Variants in PRUNE2 observed in about 807,000 individuals in gnomAD.
PRUNE2 encodes protein prune homolog 2.
PRUNE2 carries 164 observed loss-of-function variants against 252.0 expected under a neutral mutation model. The observed-to-expected ratio is 0.65, with a 90% confidence interval of 0.57 to 0.74. PRUNE2 has a LOEUF of 0.74. Ranked by LOEUF, PRUNE2 falls within the 30% of genes least tolerant of loss-of-function variation. PRUNE2 has a pLI of 0.00. For missense variants in PRUNE2, 3,495 were observed against 3,711.0 expected, an observed-to-expected ratio of 0.94 and a Z score of 1.51; for synonymous variants, 1,292 against 1,350.2, an observed-to-expected ratio of 0.96 and a Z score of 0.94.
intron 1 of PRUNE2, among the ~76,000 whole-genome samples, chr9:76,878,216 T>C (rs1426551218): frequency 6.6e-6 from 1 of 152,134 alleles, no homozygotes; most frequent in Admixed American, 6.5e-5. Flanking sequence ...GAACCAAGCA[T>C]TCTCTTTGAA....
In PRUNE2 at chr9:76,703,405, G is replaced by T. The variant is rs894441645; in HGVS notation, c.8208C>A (p.Ile2736=). 3 of 1,613,302 alleles carry T rather than the reference G, an allele frequency of 1.9e-6. No individual in the cohort carries two copies. Among genetic ancestry groups the T allele is most frequent in the Non-Finnish European group, 2.5e-6 (3 of 1,179,640 alleles). Residue 2736 remains isoleucine, a synonymous_variant, in exon 9 of 19, where the codon ATC becomes ATA. Coordinates refer to ENST00000376718, the MANE Select transcript of PRUNE2 (RefSeq NM_015225.3). ...LSPQPVQKNM[I]PDTEMEEETE... is the part of the protein sequence containing the mutation. ...TCTCCTCCTCCATTTCCGTGTCAGG[G>T]ATCATGTTTTTCTGAACAGGCTGTG...
At chr9:76,733,925 G>GC (rs1554731485) in intron 6 of PRUNE2, among the ~76,000 whole-genome samples, 1 of 106,828 alleles carries the variant, frequency 9.4e-6, no homozygotes, top group Non-Finnish European at 2.0e-5. Context: ...AGTTTTAGTT[G>GC]TTTTTTTTTT....
chr9:76,639,456 C>T (rs1841628203), intron 12 of PRUNE2, among the ~76,000 whole-genome samples: 1 of 152,082 alleles, frequency 6.6e-6, no homozygotes, highest in African/African-American at 2.4e-5. Flanking sequence ...GTGCCACTGC[C>T]CTCCAGCCTG....
At chr9:76,731,288 A>ATCTG (rs1348797450) in intron 6 of PRUNE2, among the ~76,000 whole-genome samples, 1 of 71,634 alleles carries the variant, frequency 1.4e-5, no homozygotes. Context: ...CTCTCTATCT[A>ATCTG]TCTATCTATC....
In PRUNE2 at chr9:76,670,390, C is replaced by T. The variant is rs532605990; in HGVS notation, c.8277-14888G>A. On this transcript the variant is annotated intron_variant, in intron 9 of 18. Coordinates refer to ENST00000376718, the MANE Select transcript of PRUNE2 (RefSeq NM_015225.3). ...ACGAGATTATATCCCGCACCTGGCT[C>T]GGAGGGTCCTACACCCACGGAGTCT... 1.1e-4 allele frequency among the ~76,000 whole-genome samples: 17 copies of T among 152,180 alleles called. No homozygotes were observed. The East Asian group carries it at 2.3e-3, about 21-fold the overall frequency.
chr9:76,707,610 A>G lies in PRUNE2; in HGVS notation c.4664T>C (p.Val1555Ala). 1 of 1,613,924 alleles carries G rather than the reference A, an allele frequency of 6.2e-7. No homozygotes were observed. Among genetic ancestry groups the G allele is most frequent in the Non-Finnish European group, 8.5e-7 (1 of 1,179,888 alleles). ...TTGCTGGCCCCAGGAGGACAGTGCA[A>G]CTGAAGAGTCATTTAACTCAGGACT... ...ASSPELNDSSVALSSWGQQPS... is the reference protein window; with the variant it reads ...ASSPELNDSSAALSSWGQQPS... Residue 1555 changes from valine (V) to alanine (A), a missense_variant, in exon 8 of 19, where the codon GTT (valine) becomes GCT (alanine). By Grantham distance (64) the Val-to-Ala change is moderately conservative (BLOSUM62 0). Coordinates refer to ENST00000376718, the MANE Select transcript of PRUNE2 (RefSeq NM_015225.3).
intron 11 of PRUNE2, chr9:76,652,197 T>A (rs1847667318): frequency 7.3e-6 from 2 of 272,330 alleles, no homozygotes; most frequent in South Asian, 2.9e-4. Context: ...AGCCCCAGGT[T>A]TCTTGTAACA....
intron 6 of PRUNE2, among the ~76,000 whole-genome samples, chr9:76,777,163 GA>G (rs767015336): frequency 1.1e-4 from 16 of 152,160 alleles, no homozygotes; most frequent in Non-Finnish European, 1.5e-4. Context: ...GAGAAGGGAA[GA>G]AATGCAATGA....
intron 9 of PRUNE2, among the ~76,000 whole-genome samples, chr9:76,696,283 G>A (rs2045374309): frequency 6.6e-6 from 1 of 152,106 alleles, no homozygotes; most frequent in Non-Finnish European, 1.5e-5. Flanking sequence ...TCGTGCACAG[G>A]AACATCTCAG....
intron 6 of PRUNE2, among the ~76,000 whole-genome samples, chr9:76,787,788 C>T (rs149615182): frequency 1.1e-4 from 17 of 152,298 alleles, no homozygotes; most frequent in African/African-American, 3.6e-4. Flanking sequence ...AGACAGTCCT[C>T]TCCAATCCCG....
Position 76,706,516 on chromosome 9 carries a change from C to T in PRUNE2, c.5758G>A (p.Asp1920Asn), listed in dbSNP as rs2046325473. The change falls in exon 8 of 19, where the codon GAC becomes AAC. Residue 1920 changes from aspartate (D) to asparagine (N), a missense_variant. By Grantham distance (23) the Asp-to-Asn change is conservative. Coordinates refer to ENST00000376718, the MANE Select transcript of PRUNE2 (RefSeq NM_015225.3). ...IQPRQPDPDA[D>N]KFSQLVKLDQ... ...AATTTTACAAGCTGGCTGAACTTGTCAGCATCTGGGTCTGGCTGCCTTGGT... is the reference window on the plus strand; with the variant it reads ...AATTTTACAAGCTGGCTGAACTTGTTAGCATCTGGGTCTGGCTGCCTTGGT... The T allele has an allele frequency of 6.2e-7, 1 of 1,613,846 alleles. No individual in the cohort carries two copies. The highest frequency in any genetic ancestry group is 8.5e-7 in the Non-Finnish European group (1 of 1,179,904).
chr9:76,667,605 T>C (rs1300779112), intron 9 of PRUNE2, among the ~76,000 whole-genome samples: 3 of 152,164 alleles, frequency 2.0e-5, no homozygotes, highest in African/African-American at 7.2e-5. Context: ...TTCAAGAGTG[T>C]GAAGTCATCC....
At chr9:76,642,584 A>G (rs1159396589) in intron 12 of PRUNE2, among the ~76,000 whole-genome samples, 2 of 152,182 alleles carry the variant, frequency 1.3e-5, no homozygotes, top group African/African-American at 4.8e-5. Flanking sequence ...CCTCAGAGCA[A>G]AATGTCAAGC....
At chr9:76,806,935 C>T (rs889561280) in intron 6 of PRUNE2, among the ~76,000 whole-genome samples, 1 of 151,932 alleles carries the variant, frequency 6.6e-6, no homozygotes, top group African/African-American at 2.4e-5. Flanking sequence ...GGTTAAGTAA[C>T]TGGTGGAGGA....
At chr9:76,897,307 A>G (rs1238119708) in intron 1 of PRUNE2, among the ~76,000 whole-genome samples, 1 of 150,760 alleles carries the variant, frequency 6.6e-6, no homozygotes, top group Non-Finnish European at 1.5e-5. Context: ...GGTATGAGGA[A>G]GAAGGTCCTA....
intron 6 of PRUNE2, among the ~76,000 whole-genome samples, chr9:76,822,028 G>C (rs774333893): frequency 2.6e-5 from 4 of 151,656 alleles, no homozygotes; most frequent in Non-Finnish European, 5.9e-5. Flanking sequence ...GAGGGGAACA[G>C]AGAAAGAAAA....
rs1050801613 is a variant in PRUNE2, at chr9:76,706,656, T to C, written c.5618A>G (p.Gln1873Arg). 6.2e-7 allele frequency: 1 copy of C among 1,613,896 alleles called. No individual in the cohort carries two copies. Among genetic ancestry groups the C allele is most frequent in the Non-Finnish European group, 8.5e-7 (1 of 1,179,852 alleles). ...QNASPWGVPV[Q>R]GDIEPVETHY... is the part of the protein sequence containing the mutation. The stretch of plus-strand genomic sequence containing the variant: ...TGTTTCCACGGGCTCAATATCACCC[T>C]GAACTGGTACTCCCCAGGGACTGGC... Residue 1873 changes from glutamine to arginine, a missense_variant, in exon 8 of 19, where the codon CAG (glutamine) becomes CGG (arginine). Physicochemically the swap from Gln to Arg is conservative, Grantham distance 43. Transcript: ENST00000376718.
intron 6 of PRUNE2, chr9:76,787,639 T>C (rs2055127612): frequency 6.6e-6 from 1 of 152,142 alleles, no homozygotes; most frequent in South Asian, 2.1e-4. Flanking sequence ...ATTTATTTTT[T>C]TAAGGTAGAA....
At chr9:76,678,083 G>T (rs2042922248) in intron 9 of PRUNE2, among the ~76,000 whole-genome samples, 1 of 152,084 alleles carries the variant, frequency 6.6e-6, no homozygotes, top group Non-Finnish European at 1.5e-5. Flanking sequence ...TATTCTCTGG[G>T]GATTGGCCGG....
Sources: gnomAD v4.1 joint callset for allele counts (sites outside exome capture counted in the v4.1 genomes callset) on GRCh38, gnomAD v4.1.1 for gene constraint, MANE v1.5 for transcripts, NCBI Gene and HGNC (gene_info 2026-07-23, HGNC 2026-07-21) for gene names.